Variants in ANXA6 observed in about 807,000 individuals in gnomAD.
ANXA6 encodes the protein 67 kDa calelectrin.
ANXA6 carries 71 observed loss-of-function variants against 95.4 expected under a neutral mutation model. The ratio of observed to expected loss-of-function variants is 0.74; its 90% CI spans 0.61 to 0.91. The LOEUF (loss-of-function observed/expected upper bound fraction) is 0.91. Among genes scored for constraint, ANXA6 ranks in the 40% least tolerant of loss-of-function variants. The pLI is 0.00. For synonymous variants in ANXA6, 289 were observed against 315.9 expected (o/e 0.91, Z 0.90); for missense variants, 830 against 876.4 (o/e 0.95, Z 0.67).
chr5:151,117,826 A>G lies in ANXA6; in HGVS notation c.1450T>C (p.Ser484Pro), dbSNP rs1765046839. The change falls in exon 19 of 26, where the codon TCC becomes CCC. Residue 484 changes from serine to proline, a missense_variant. Coordinates refer to ENST00000354546, the MANE Select transcript of ANXA6 (RefSeq NM_001155.5). The stretch of plus-strand genomic sequence containing the variant: ...TCTGAGCTCAGAGCATCCTCCAGGG[A>G]CTTGTGATAGTCTGAGGCAGAGAAA... ...NEAYKEDYHK[S>P]LEDALSSDTS... 6.2e-7 allele frequency: 1 copy of G among 1,613,392 alleles called. No individual in the cohort carries two copies. Among genetic ancestry groups the G allele is most frequent in the African/African-American group, 1.3e-5 (1 of 74,880 alleles).
At chr5:151,133,382 T>C in intron 8 of ANXA6, 195 bp from the exon 9 acceptor site, 3 of 557,474 alleles carry the variant, frequency 5.4e-6, no homozygotes, top group Non-Finnish European at 6.5e-6. Flanking sequence ...GTTAGGCGAC[T>C]TTGCCATTGT....
chr5:151,104,441 A>T (rs78116039), intron 24 of ANXA6, among the ~76,000 whole-genome samples: 3,677 of 152,246 alleles, frequency 0.024, 157 homozygotes, highest in African/African-American at 0.084. Flanking sequence ...GCCTCTTAGG[A>T]GCTATGTAAA....
intron 20 of ANXA6, among the ~76,000 whole-genome samples, chr5:151,112,722 G>T (rs1011372261): frequency 6.6e-6 from 1 of 152,188 alleles, no homozygotes; most frequent in Admixed American, 6.5e-5. Flanking sequence ...TACTTGGGGG[G>T]CTGAGGTGGG....
intron 18 of ANXA6, among the ~76,000 whole-genome samples, chr5:151,118,818 T>C (rs1194721238): frequency 6.6e-6 from 1 of 152,154 alleles, no homozygotes; most frequent in Non-Finnish European, 1.5e-5. Context: ...TCCGCCTGCC[T>C]GAGACTCCCA....
chr5:151,104,766 G>C (rs1335781204), intron 24 of ANXA6, among the ~76,000 whole-genome samples: 1 of 152,212 alleles, frequency 6.6e-6, no homozygotes, highest in Non-Finnish European at 1.5e-5. Flanking sequence ...GGGAGCGCTT[G>C]TGACCTTTGA....
chr5:151,111,861 T>A (rs1764859138), intron 20 of ANXA6, among the ~76,000 whole-genome samples: 2 of 152,116 alleles, frequency 1.3e-5, no homozygotes, highest in African/African-American at 4.8e-5. Flanking sequence ...CGATCTCAGC[T>A]CACTGCAACC....
intron 12 of ANXA6, among the ~76,000 whole-genome samples, 172 bp downstream of exon 12, chr5:151,129,235 T>C (rs929152698): frequency 1.3e-5 from 2 of 152,230 alleles, no homozygotes; most frequent in Non-Finnish European, 2.9e-5. Context: ...ACACTTGCTT[T>C]TCTGTTGAAT....
rs780134602 is a variant in ANXA6 at position 151,132,494 on chromosome 5, T to C, written c.718A>G (p.Lys240Glu). ...IRGELSGDFEKLMLAVVKCIR... is the reference protein window; with the variant it reads ...IRGELSGDFEELMLAVVKCIR... Reference sequence around the variant, plus strand: ...GACATACCTACGGCCAGCATTAGCTTCTCAAAGTCCCCAGACAGCTCCCCT... The same window carrying C: ...GACATACCTACGGCCAGCATTAGCTCCTCAAAGTCCCCAGACAGCTCCCCT... Residue 240 changes from lysine to glutamate, a missense_variant, in exon 10 of 26, where the codon AAG becomes GAG. By Grantham distance (56) the Lys-to-Glu change is moderately conservative. Transcript: ENST00000354546. 6.2e-7 allele frequency: 1 copy of C among 1,612,796 alleles called. No individual in the cohort carries two copies. Among genetic ancestry groups the C allele is most frequent in the African/African-American group, 1.3e-5 (1 of 74,978 alleles).
At chr5:151,131,584 G>A (rs557522754) in intron 10 of ANXA6, among the ~76,000 whole-genome samples, 3 of 152,236 alleles carry the variant, frequency 2.0e-5, no homozygotes, top group East Asian at 3.9e-4. Context: ...CTGGGGTGGG[G>A]GTAGGGTCTG....
chr5:151,141,576 T>TC (rs1052192785), intron 2 of ANXA6: 176 of 985,134 alleles, frequency 1.8e-4, no homozygotes, highest in Non-Finnish European at 2.0e-4. Flanking sequence ...CTGGACCGCC[T>TC]CCCCCTCTCC....
At chr5:151,115,658 C>T (rs544774851) in intron 20 of ANXA6, among the ~76,000 whole-genome samples, 9 of 152,318 alleles carry the variant, frequency 5.9e-5, no homozygotes, top group Middle Eastern at 6.8e-3. Flanking sequence ...ACTTAATAAA[C>T]GTCTGTTGAA....
At position 151,103,691 on chromosome 5, in the gene ANXA6, C is replaced by T. The variant is rs1037468548; in HGVS notation, c.1841G>A (p.Gly614Asp). 2.5e-6 allele frequency: 4 copies of T among 1,607,856 alleles called. No homozygotes were observed. Among genetic ancestry groups the T allele is most frequent in the African/African-American group, 1.3e-5 (1 of 74,736 alleles). ...FADKLYKSMK[G>D]AGTDEKTLTR... ...CAGAGTCTTCTCATCTGTGCCAGCA[C>T]CCTGGTGGAGCCAGGCAGGAGGGAG... is the stretch of plus-strand genomic sequence containing the variant. Residue 614 changes from glycine to aspartate, a missense_variant and splice_region_variant, in exon 25 of 26, where the codon GGT (glycine) becomes GAT (aspartate). Coordinates refer to ENST00000354546, the MANE Select transcript of ANXA6 (RefSeq NM_001155.5).
chr5:151,121,959 G>A (rs1344536213), intron 17 of ANXA6, among the ~76,000 whole-genome samples, 188 bp downstream of exon 17: 1 of 152,178 alleles, frequency 6.6e-6, no homozygotes, highest in African/African-American at 2.4e-5. Context: ...TTGAGTCTCT[G>A]GACTCAGAGC....
intron 17 of ANXA6, among the ~76,000 whole-genome samples, chr5:151,120,261 ACAGGGAAG>A (rs1235847939): frequency 1.3e-5 from 2 of 152,110 alleles, no homozygotes; most frequent in African/African-American, 4.8e-5. Flanking sequence ...AGATCTGCAC[ACAGGGAAG>A]CAGGGAAACT....
At chr5:151,122,099 T>A in intron 17 of ANXA6, 48 bp downstream of exon 17, 1 of 1,241,138 alleles carries the variant, frequency 8.1e-7, no homozygotes. Flanking sequence ...ATCACCTGTA[T>A]CCCTATTGGC....
At chr5:151,147,523 A>G (rs556001878) in intron 2 of ANXA6, among the ~76,000 whole-genome samples, 1 of 152,332 alleles carries the variant, frequency 6.6e-6, no homozygotes, top group South Asian at 2.1e-4. Flanking sequence ...TACCATGCCA[A>G]TGCAAGGAAG....
rs2113911959 is a variant in ANXA6, at chr5:151,119,392, T to C, written c.1348-2A>G. On this transcript the variant is annotated splice_acceptor_variant, in intron 17 of 25. Coordinates refer to ENST00000354546, the MANE Select transcript of ANXA6 (RefSeq NM_001155.5). LOFTEE classifies it high-confidence loss of function. ...AGCCTTTTCATCTGTGCCGGCTCCC[T>C]GGAATGTCAAGGCAAAGATGATCTC... is the stretch of plus-strand genomic sequence containing the variant. The C allele has an allele frequency of 6.2e-7, 1 of 1,613,562 alleles. No individual in the cohort carries two copies. The highest frequency in any genetic ancestry group is 8.5e-7 in the Non-Finnish European group (1 of 1,179,558).
chr5:151,148,950 G>A (rs1208336019), intron 1 of ANXA6, among the ~76,000 whole-genome samples: 1 of 151,754 alleles, frequency 6.6e-6, no homozygotes, highest in Non-Finnish European at 1.5e-5. Flanking sequence ...TGAGGTGGGA[G>A]GATAATTTGA....
chr5:151,149,022 T>A (rs12374546), intron 1 of ANXA6, among the ~76,000 whole-genome samples: 7,486 of 137,758 alleles, frequency 0.054, 232 homozygotes, highest in Non-Finnish European at 0.077. Flanking sequence ...TAAAAAAAAA[T>A]AAAAAAAAAA....
Sources: allele counts gnomAD v4.1 joint callset (sites outside exome capture counted in the v4.1 genomes callset), GRCh38; gene constraint gnomAD v4.1.1; transcripts MANE v1.5; gene names NCBI Gene and HGNC (gene_info 2026-07-23, HGNC 2026-07-21).